Variants in CDKN2B-AS1 observed in about 807,000 individuals in gnomAD.
CDKN2B-AS1 encodes CDKN2B antisense RNA 1 (non-protein coding).
intron 4 of CDKN2B-AS1, among the ~76,000 whole-genome samples, chr9:22,105,319 C>G (rs966799089): frequency 2.0e-5 from 3 of 152,122 alleles, no homozygotes; most frequent in Non-Finnish European, 4.4e-5. Context: ...ACAAATCACC[C>G]TAAAATTTAG....
intron 1 of CDKN2B-AS1, among the ~76,000 whole-genome samples, chr9:22,025,751 G>A (rs1332141218): frequency 6.6e-6 from 1 of 152,156 alleles, no homozygotes; most frequent in Non-Finnish European, 1.5e-5. Context: ...GAACACACTG[G>A]TAGGACATGG....
intron 4 of CDKN2B-AS1, among the ~76,000 whole-genome samples, chr9:22,060,946 C>CA (rs1423758710): frequency 3.3e-5 from 5 of 152,136 alleles, no homozygotes; most frequent in African/African-American, 1.2e-4. Flanking sequence ...ATACCTCCCA[C>CA]AAAATGTGGG....
At chr9:22,117,479 A>T (rs1036523626) in intron 4 of CDKN2B-AS1, 2 of 152,264 alleles carry the variant, frequency 1.3e-5, no homozygotes, top group African/African-American at 4.8e-5. Flanking sequence ...AATAGGAAAA[A>T]CAAAAACAAA....
At chr9:22,094,114 AT>A (rs1825191319) in intron 4 of CDKN2B-AS1, among the ~76,000 whole-genome samples, 1 of 143,966 alleles carries the variant, frequency 6.9e-6, no homozygotes. Context: ...TGGGTTGAAA[AT>A]TCTTTTCTTT....
intron 1 of CDKN2B-AS1, among the ~76,000 whole-genome samples, chr9:22,023,366 A>T (rs1822090231): frequency 6.6e-6 from 1 of 151,620 alleles, no homozygotes; most frequent in Admixed American, 6.6e-5. Context: ...CTAATTTTGG[A>T]AAGGTAGTCT....
chr9:22,120,484 T>TG (rs1456577114), intron 4 of CDKN2B-AS1: 1 of 48,138 alleles, frequency 2.1e-5, no homozygotes, highest in African/African-American at 4.3e-5. Flanking sequence ...CACTTCTACC[T>TG]TTTTTTTCTC....
At chr9:22,078,299 C>A (rs1165192672) in intron 4 of CDKN2B-AS1, among the ~76,000 whole-genome samples, 2 of 151,904 alleles carry the variant, frequency 1.3e-5, no homozygotes, top group Non-Finnish European at 2.9e-5. Flanking sequence ...ACCACTGTTA[C>A]TTGACTCGTA....
At chr9:22,038,998 G>A (rs941815634) in intron 1 of CDKN2B-AS1, among the ~76,000 whole-genome samples, 1 of 151,914 alleles carries the variant, frequency 6.6e-6, no homozygotes, top group Non-Finnish European at 1.5e-5. Flanking sequence ...AAAATTTCCA[G>A]TTAGGACATG....
intron 4 of CDKN2B-AS1, chr9:22,121,105 C>G (rs1826090632): frequency 6.6e-6 from 1 of 152,000 alleles, no homozygotes; most frequent in South Asian, 2.1e-4. Context: ...AAACAGCTCT[C>G]TTTTCATGTT....
At chr9:22,106,905 A>C (rs1825674502) in intron 4 of CDKN2B-AS1, among the ~76,000 whole-genome samples, 1 of 152,232 alleles carries the variant, frequency 6.6e-6, no homozygotes, top group Admixed American at 6.5e-5. Flanking sequence ...GAGGAAATGT[A>C]AGATCAAACA....
chr9:22,056,225 TA>T, intron 3 of CDKN2B-AS1: 2 of 102,162 alleles, frequency 2.0e-5, no homozygotes, highest in South Asian at 6.9e-4. Context: ...TATATATATA[TA>T]TATATATATT....
intron 4 of CDKN2B-AS1, among the ~76,000 whole-genome samples, chr9:22,114,750 T>C (rs1312252121): frequency 6.6e-6 from 1 of 152,202 alleles, no homozygotes; most frequent in African/African-American, 2.4e-5. Context: ...CAGTCTATTA[T>C]TTTCCTTGCA....
At chr9:22,074,570 C>A (rs1824422067) in intron 4 of CDKN2B-AS1, among the ~76,000 whole-genome samples, 1 of 152,184 alleles carries the variant, frequency 6.6e-6, no homozygotes, top group South Asian at 2.1e-4. Context: ...TGTTGAAAAT[C>A]TTTATCCAAG....
At chr9:22,021,382 G>A (rs1822012317) in intron 1 of CDKN2B-AS1, among the ~76,000 whole-genome samples, 1 of 152,070 alleles carries the variant, frequency 6.6e-6, no homozygotes, top group African/African-American at 2.4e-5. Flanking sequence ...TGTTCTTTCT[G>A]CTTAGGATTG....
intron 1 of CDKN2B-AS1, among the ~76,000 whole-genome samples, chr9:22,002,024 T>C (rs1368211693): frequency 6.6e-6 from 1 of 152,128 alleles, no homozygotes; most frequent in African/African-American, 2.4e-5. Flanking sequence ...TAAAATTGTC[T>C]TATTTTCATA....
chr9:22,110,998 G>C (rs115817913), intron 4 of CDKN2B-AS1, among the ~76,000 whole-genome samples: 1,739 of 152,256 alleles, frequency 0.011, 32 homozygotes, highest in African/African-American at 0.04. Context: ...ATATTGATGT[G>C]TGTAGCTATA....
In CDKN2B-AS1 at chr9:22,054,576, C is replaced by T. The variant is rs147496431; in HGVS notation, n.303-1676C>T. On this transcript the variant is annotated intron_variant and non_coding_transcript_variant, in intron 3 of 4. Coordinates refer to ENST00000650946, the Ensembl canonical transcript of CDKN2B-AS1. Reference sequence around the variant, plus strand: ...TGAGAAAACTGAGGCTCAAAAAAGCCGACAAATTTGTTTAGGATTACAAAA... The same window carrying T: ...TGAGAAAACTGAGGCTCAAAAAAGCTGACAAATTTGTTTAGGATTACAAAA... Among the ~76,000 whole-genome samples, 388 of 151,768 alleles carry T rather than the reference C, an allele frequency of 2.6e-3. 3 individuals carry two copies. Among genetic ancestry groups the T allele is most frequent in the African/African-American group, 8.9e-3 (370 of 41,370 alleles).
At chr9:22,063,603 G>T (rs529662089) in intron 4 of CDKN2B-AS1, among the ~76,000 whole-genome samples, 3 of 152,326 alleles carry the variant, frequency 2.0e-5, no homozygotes, top group African/African-American at 7.2e-5. Context: ...TTGATCCTGT[G>T]TTAGGAGTTT....
chr9:21,996,862 A>T lies in CDKN2B-AS1; in HGVS notation n.29+1701A>T, dbSNP rs1033475761. 1.3e-5 allele frequency among the ~76,000 whole-genome samples: 2 copies of T among 152,218 alleles called. No individual in the cohort carries two copies. The highest frequency in any genetic ancestry group is 2.9e-5 in the Non-Finnish European group (2 of 68,044). On this transcript the variant is annotated intron_variant and non_coding_transcript_variant, in intron 1 of 4. Transcript: ENST00000650946. This position sits in a 1 kb window ranked among gnomAD's most constrained non-coding sequence, Gnocchi z 5.4. Reference sequence around the variant, plus strand: ...GGTGAGGGTTTCTTGGGCCTAGACAATGTAACTAGTTGTTGCAATAAAGCA... The same window carrying T: ...GGTGAGGGTTTCTTGGGCCTAGACATTGTAACTAGTTGTTGCAATAAAGCA...
Sources: gnomAD v4.1 joint callset for allele counts (sites outside exome capture counted in the v4.1 genomes callset) on GRCh38, gnomAD v4.1.1 for gene constraint, Gnocchi (gnomAD v3.1) non-coding constraint, MANE v1.5 for transcripts, NCBI Gene and HGNC (gene_info 2026-07-23, HGNC 2026-07-21) for gene names.